Variants in CARMIL2 observed in about 807,000 individuals in gnomAD.
The protein encoded by CARMIL2 is capping protein, Arp2/3 and myosin-I linker protein 2.
Under a neutral mutation model 173.3 loss-of-function variants are expected in CARMIL2, and 96 were observed. That is an observed-to-expected ratio of 0.55 (90% CI 0.47 to 0.66). CARMIL2 has a LOEUF of 0.66. Ranked by LOEUF, CARMIL2 falls within the 30% of genes least tolerant of loss-of-function variation. The pLI, the probability that CARMIL2 is intolerant of heterozygous loss-of-function variation, is 0.00. For missense variants in CARMIL2, 1,771 were observed against 1,906.7 expected, an observed-to-expected ratio of 0.93 and a Z score of 1.33; for synonymous variants, 830 against 817.1, an observed-to-expected ratio of 1.02 and a Z score of -0.27.
chr16:67,656,297 C>G lies in CARMIL2; in HGVS notation c.3812C>G (p.Ala1271Gly), dbSNP rs1260205670. The G allele has an allele frequency of 3.7e-6, 6 of 1,613,980 alleles. No homozygotes were observed. Among genetic ancestry groups the G allele is most frequent in the Non-Finnish European group, 5.1e-6 (6 of 1,179,856 alleles). The change falls in exon 34 of 38, where the codon GCT becomes GGT. Residue 1271 changes from alanine to glycine, a missense_variant and splice_region_variant. Ala to Gly is a moderately conservative substitution (Grantham distance 60). Around this residue, in one of 3 missense-constraint regions of CARMIL2, gnomAD observed 817 missense variants for 903.5 expected, o/e 0.90. Coordinates refer to ENST00000334583, the MANE Select transcript of CARMIL2 (RefSeq NM_001013838.3). ...SIKSRTHSVSADPSCRPGPGS... is the reference protein window; with the variant it reads ...SIKSRTHSVSGDPSCRPGPGS... The stretch of plus-strand genomic sequence containing the variant: ...AAGTCCCGCACCCACTCTGTGTCTG[C>G]TGGTGAGTGAGGGCCACTGTGTGTG...
At chr16:67,654,079 CCG>C (rs2052782159) in intron 29 of CARMIL2, 68 bp from the exon 30 acceptor site, 2 of 876,818 alleles carry the variant, frequency 2.3e-6, no homozygotes, top group Non-Finnish European at 3.1e-6. Context: ...AGGCTGCCGG[CCG>C]GGGGGGGGGG....
rs1210887840 is a variant in CARMIL2, at chr16:67,647,763, C to T, written c.955C>T (p.Arg319Ter). The change falls in exon 12 of 38, where the codon CGA becomes TGA. Residue 319 changes from arginine to a stop codon, truncating the protein, a stop_gained. Coordinates refer to ENST00000334583, the MANE Select transcript of CARMIL2 (RefSeq NM_001013838.3). LOFTEE classifies it high-confidence loss of function. ...LSLAQTGLTP[R>*]GMRALGRALA... ...CCTGGCCCAGACAGGGTTGACACCGCGAGGTAGGCTGGATGAGGGAGGGGG... is the reference window on the plus strand; with the variant it reads ...CCTGGCCCAGACAGGGTTGACACCGTGAGGTAGGCTGGATGAGGGAGGGGG... The T allele has an allele frequency of 3.4e-6, 5 of 1,488,756 alleles. No individual in the cohort carries two copies. Among genetic ancestry groups the T allele is most frequent in the South Asian group, 1.2e-5 (1 of 82,448 alleles). 92.2% of individuals were successfully genotyped at this position (1,488,756 alleles called of 1,614,324 possible).
Position 67,646,080 on chromosome 16 carries a change from G to A in CARMIL2, c.249G>A (p.Gln83=). Reference sequence around the variant, plus strand: ...TGGCGCTGCAGGAGACACCCCCTCAGGTGAGACACCTAGTACCCTACCTGG... The same window carrying A: ...TGGCGCTGCAGGAGACACCCCCTCAAGTGAGACACCTAGTACCCTACCTGG... ...QAMALQETPP[Q]VTFELESLRE... Residue 83 remains glutamine (Q), a splice_region_variant and synonymous_variant, in exon 4 of 38, where the codon CAG becomes CAA. Coordinates refer to ENST00000334583, the MANE Select transcript of CARMIL2 (RefSeq NM_001013838.3). This position sits in a 1 kb window ranked among gnomAD's most constrained non-coding sequence, Gnocchi z 4.6. 1 of 1,613,806 alleles carries A rather than the reference G, an allele frequency of 6.2e-7. No individual in the cohort carries two copies. The highest frequency in any genetic ancestry group is 8.5e-7 in the Non-Finnish European group (1 of 1,179,890).
At chr16:67,654,095 G>GGGGGT in intron 29 of CARMIL2, 54 bp from the exon 30 acceptor site, 1 of 855,840 alleles carries the variant, frequency 1.2e-6, no homozygotes, top group Non-Finnish European at 1.6e-6. Context: ...GGGGGGGGGG[G>GGGGGT]TAGAAGCCAG....
rs1308143176 is a variant in CARMIL2, at chr16:67,654,688, A to G, written c.3578A>G (p.Asp1193Gly). ...GAGGCAACGCTGGGTGCCAGACCCG[A>G]CAAGGTGAGGCTTGCTGATGGGGGG... ...EEEATLGARPDKRRPLERGET... is the reference protein window; with the variant it reads ...EEEATLGARPGKRRPLERGET... The change falls in exon 31 of 38, where the codon GAC (aspartate) becomes GGC (glycine). Residue 1193 changes from aspartate to glycine, a missense_variant. Physicochemically the swap from Asp to Gly is moderately conservative, Grantham distance 94. Coordinates refer to ENST00000334583, the MANE Select transcript of CARMIL2 (RefSeq NM_001013838.3). 1 of 1,593,352 alleles carries G rather than the reference A, an allele frequency of 6.3e-7. No individual in the cohort carries two copies. The highest frequency in any genetic ancestry group is 8.6e-7 in the Non-Finnish European group (1 of 1,168,676).
chr16:67,652,005 G>C lies in CARMIL2; in HGVS notation c.2673G>C (p.Gln891His). Reference protein sequence around the residue: ...ALAGLSAARDQLVESLAQQAT... With the variant: ...ALAGLSAARDHLVESLAQQAT... Reference sequence around the variant, plus strand: ...CAGGCCTGAGTGCAGCCCGGGATCAGCTGGTGAGGGGGAGATGTGCACACA... The same window carrying C: ...CAGGCCTGAGTGCAGCCCGGGATCACCTGGTGAGGGGGAGATGTGCACACA... The change falls in exon 26 of 38, where the codon CAG becomes CAC. Residue 891 changes from glutamine (Q) to histidine (H), a missense_variant. This residue lies in a region of CARMIL2 where 817 missense variants were observed against 903.5 expected (regional missense o/e 0.90). Transcript: ENST00000334583. This position sits in a 1 kb window ranked among gnomAD's most constrained non-coding sequence, Gnocchi z 4.7. 6.2e-7 allele frequency: 1 copy of C among 1,613,462 alleles called. No individual in the cohort carries two copies. Among genetic ancestry groups the C allele is most frequent in the Non-Finnish European group, 8.5e-7 (1 of 1,179,832 alleles).
rs1215772080 is a variant in CARMIL2 at position 67,648,721 on chromosome 16, C to T, written c.1476C>T (p.Leu492=). ...ATGGCCTCGCGCTCAACACGCACCT[C>T]CGCGACCTGCACCTGGACCTCAGCG... ...LLDGLALNTH[L]RDLHLDLSAC... is the part of the protein sequence containing the mutation. Residue 492 remains leucine (L), a synonymous_variant, in exon 16 of 38, where the codon CTC becomes CTT. Coordinates refer to ENST00000334583, the MANE Select transcript of CARMIL2 (RefSeq NM_001013838.3). The surrounding 1 kb of genome is among the most constrained non-coding windows in gnomAD (Gnocchi z 6.1). 1 of 1,608,094 alleles carries T rather than the reference C, an allele frequency of 6.2e-7. No homozygotes were observed. The highest frequency in any genetic ancestry group is 1.7e-5 in the Admixed American group (1 of 59,370).
rs777234697 is a variant in CARMIL2 at position 67,656,186 on chromosome 16, C to T, written c.3743-42C>T. The T allele has an allele frequency of 1.2e-4, 190 of 1,612,424 alleles. No individual in the cohort carries two copies. In the Admixed American group the frequency reaches 3.1e-3, roughly 26 times the overall value. On this transcript the variant is annotated intron_variant, in intron 33 of 37. Coordinates refer to ENST00000334583, the MANE Select transcript of CARMIL2 (RefSeq NM_001013838.3). ...AGAGGCCAGGTTTTTCTTCCCCTCA[C>T]CTCCAAGGTCTGGTACCTGAGTCCC...
chr16:67,649,011 C>T lies in CARMIL2; in HGVS notation c.1591+37C>T. On this transcript the variant is annotated intron_variant, in intron 17 of 37. Transcript: ENST00000334583. This position sits in a 1 kb window ranked among gnomAD's most constrained non-coding sequence, Gnocchi z 6.7. ...GGAGAGCCCATCCTCGCATCATCCACTCGATTCCCAATCCCCACCCTACCC... is the reference window on the plus strand; with the variant it reads ...GGAGAGCCCATCCTCGCATCATCCATTCGATTCCCAATCCCCACCCTACCC... 1 of 1,602,338 alleles carries T rather than the reference C, an allele frequency of 6.2e-7. No individual in the cohort carries two copies. Among genetic ancestry groups the T allele is most frequent in the East Asian group, 2.3e-5 (1 of 44,236 alleles).
In CARMIL2 at chr16:67,653,729, G is replaced by C. The variant is rs542301196; in HGVS notation, c.3121-420G>C. Among the ~76,000 whole-genome samples, 12 of 152,142 alleles carry C rather than the reference G, an allele frequency of 7.9e-5. No individual in the cohort carries two copies. The highest frequency in any genetic ancestry group is 1.5e-4 in the Non-Finnish European group (10 of 67,940). On this transcript the variant is annotated intron_variant, in intron 29 of 37. Transcript: ENST00000334583. This position sits in a 1 kb window ranked among gnomAD's most constrained non-coding sequence, Gnocchi z 7.4. ...GGAGCCGGCTTGAGGCCCCCCAGAG[G>C]GTCTGACGCAGCAGCCGGCGCCACT... is the stretch of plus-strand genomic sequence containing the variant.
chr16:67,654,098 G>GGAA, intron 29 of CARMIL2, 51 bp from the exon 30 acceptor site: 3 of 805,912 alleles, frequency 3.7e-6, no homozygotes, highest in African/African-American at 2.0e-5. Context: ...GGGGGGGGTA[G>GGAA]AAGCCAGAGT....
chr16:67,646,137 C>A lies in CARMIL2; in HGVS notation c.250-49C>A, dbSNP rs562063543. ...AGCCTGGTCTTCATGCTACCACCAT[C>A]ACCTGCGCCCATGTGTGGAGCCGAG... On this transcript the variant is annotated intron_variant, in intron 4 of 37. Coordinates refer to ENST00000334583, the MANE Select transcript of CARMIL2 (RefSeq NM_001013838.3). The surrounding 1 kb of genome is among the most constrained non-coding windows in gnomAD (Gnocchi z 4.6). The A allele has an allele frequency of 4.3e-6, 7 of 1,613,792 alleles. No homozygotes were observed. The African/African-American group carries it at 5.3e-5, about 12-fold the overall frequency.
Position 67,649,111 on chromosome 16 carries a change from A to T in CARMIL2, c.1627A>T (p.Ile543Phe), listed in dbSNP as rs2052663432. The change falls in exon 18 of 38, where the codon ATC becomes TTC. Residue 543 changes from isoleucine (I) to phenylalanine (F), a missense_variant. Ile to Phe is a conservative substitution (Grantham distance 21). Around this residue, in one of 3 missense-constraint regions of CARMIL2, gnomAD observed 944 missense variants for 975.6 expected, o/e 0.97. Transcript: ENST00000334583. This position sits in a 1 kb window ranked among gnomAD's most constrained non-coding sequence, Gnocchi z 6.7. ...GSDMVTLVLA[I>F]GRSRSLRHVA... Reference sequence around the variant, plus strand: ...AGACATGGTGACTCTGGTGCTGGCCATCGGGAGAAGCCGGTCCCTGAGACA... The same window carrying T: ...AGACATGGTGACTCTGGTGCTGGCCTTCGGGAGAAGCCGGTCCCTGAGACA... 1.2e-6 allele frequency: 2 copies of T among 1,613,128 alleles called. No individual in the cohort carries two copies. Among genetic ancestry groups the T allele is most frequent in the African/African-American group, 1.3e-5 (1 of 74,894 alleles).
Position 67,654,520 on chromosome 16 carries a change from G to A in CARMIL2, c.3410G>A (p.Arg1137Gln), listed in dbSNP as rs1370070476. 22 of 1,611,682 alleles carry A rather than the reference G, an allele frequency of 1.4e-5. No individual in the cohort carries two copies. The highest frequency in any genetic ancestry group is 1.7e-5 in the Non-Finnish European group (20 of 1,179,430). Residue 1137 changes from arginine (R) to glutamine (Q), a missense_variant, in exon 31 of 38, where the codon CGG (arginine) becomes CAG (glutamine). Physicochemically the swap from Arg to Gln is conservative, Grantham distance 43. Around this residue, in one of 3 missense-constraint regions of CARMIL2, gnomAD observed 817 missense variants for 903.5 expected, o/e 0.90. Transcript: ENST00000334583. ...TRKTTFGDLL[R>Q]PPTRPSRGEE... is the part of the protein sequence containing the mutation. ...AAAACTACATTTGGCGACCTACTGC[G>A]GCCGCCAACCCGTCCCAGCCGTGGT...
rs1178691305 is a variant in CARMIL2 at position 67,648,107 on chromosome 16, G to T, written c.1127G>T (p.Gly376Val). Residue 376 changes from glycine (G) to valine (V), a missense_variant, in exon 14 of 38, where the codon GGC (glycine) becomes GTC (valine). Transcript: ENST00000334583. This position sits in a 1 kb window ranked among gnomAD's most constrained non-coding sequence, Gnocchi z 6.1. ...GTACTGTCGTTCCTGAATCTCGCAG[G>T]CACCGACACTGCCCTGGACACTGTG... ...PNVLSFLNLA[G>V]TDTALDTVRG... The T allele has an allele frequency of 4.3e-6, 7 of 1,611,168 alleles. No individual in the cohort carries two copies. Among genetic ancestry groups the T allele is most frequent in the Non-Finnish European group, 5.9e-6 (7 of 1,178,810 alleles).
chr16:67,650,466 C>G, intron 22 of CARMIL2: 1 of 417,054 alleles, frequency 2.4e-6, no homozygotes, highest in Admixed American at 4.0e-5. Context: ...CCCCTCCCCT[C>G]TCCATTGTGT....
In CARMIL2 at chr16:67,645,751, C is replaced by G. The variant is rs779951517; in HGVS notation, c.160C>G (p.Leu54Val). 1.2e-6 allele frequency: 2 copies of G among 1,612,904 alleles called. No individual in the cohort carries two copies. The highest frequency in any genetic ancestry group is 4.5e-5 in the East Asian group (2 of 44,876). The change falls in exon 3 of 38, where the codon CTG becomes GTG. Residue 54 changes from leucine to valine, a missense_variant. Physicochemically the swap from Leu to Val is conservative, Grantham distance 32 (BLOSUM62 1). Around this residue, in one of 3 missense-constraint regions of CARMIL2, gnomAD observed 944 missense variants for 975.6 expected, o/e 0.97. Coordinates refer to ENST00000334583, the MANE Select transcript of CARMIL2 (RefSeq NM_001013838.3). Reference protein sequence around the residue: ...LALLRWRAYLLHTTCLPLRVD... With the variant: ...LALLRWRAYLVHTTCLPLRVD... ...ACTGCTACGATGGAGAGCCTACCTG[C>G]TGCACACCACCTGCCTCCCGCTGAG...
chr16:67,651,272 G>T lies in CARMIL2; in HGVS notation c.2270G>T (p.Arg757Leu). ...GAGPQGEAAV[R>L]QAEDAIQNAN... Reference sequence around the variant, plus strand: ...GGGCCCCAGGGTGAAGCCGCTGTGCGCCAGGCCGAGGATGCCATCCAAAAT... The same window carrying T: ...GGGCCCCAGGGTGAAGCCGCTGTGCTCCAGGCCGAGGATGCCATCCAAAAT... Residue 757 changes from arginine (R) to leucine (L), a missense_variant, in exon 23 of 38, where the codon CGC becomes CTC. Arg to Leu is a moderately radical substitution (Grantham distance 102, BLOSUM62 -2). Around this residue, in one of 3 missense-constraint regions of CARMIL2, gnomAD observed 817 missense variants for 903.5 expected, o/e 0.90. Transcript: ENST00000334583. The surrounding 1 kb of genome is among the most constrained non-coding windows in gnomAD (Gnocchi z 4.2). The T allele has an allele frequency of 6.2e-7, 1 of 1,613,524 alleles. No individual in the cohort carries two copies.
Position 67,651,750 on chromosome 16 carries a change from C to G in CARMIL2, c.2493C>G (p.Ser831Arg). ...SLCPQMLQGS[S>R]WREQLEGVLA... The stretch of plus-strand genomic sequence containing the variant: ...GCCCACAGATGCTGCAGGGATCCAG[C>G]TGGAGGGAGCAGCTAGAGGGGGTCC... The change falls in exon 25 of 38, where the codon AGC becomes AGG. Residue 831 changes from serine to arginine, a missense_variant. Coordinates refer to ENST00000334583, the MANE Select transcript of CARMIL2 (RefSeq NM_001013838.3). This position sits in a 1 kb window ranked among gnomAD's most constrained non-coding sequence, Gnocchi z 4.2. 6.2e-7 allele frequency: 1 copy of G among 1,606,526 alleles called. No individual in the cohort carries two copies. Among genetic ancestry groups the G allele is most frequent in the Non-Finnish European group, 8.5e-7 (1 of 1,177,200 alleles).
Sources: allele counts gnomAD v4.1 joint callset (sites outside exome capture counted in the v4.1 genomes callset), GRCh38; gene constraint gnomAD v4.1.1; regional missense constraint gnomAD v4.1.1; non-coding constraint Gnocchi (gnomAD v3.1); transcripts MANE v1.5; gene names NCBI Gene and HGNC (gene_info 2026-07-23, HGNC 2026-07-21).